Variants in CDYL2 observed in about 807,000 individuals in gnomAD.
The protein encoded by CDYL2 is chromodomain Y-like protein 2.
Under a neutral mutation model 49.4 loss-of-function variants are expected in CDYL2, and 23 were observed. The observed-to-expected ratio is 0.47, with a 90% confidence interval of 0.34 to 0.66. CDYL2 has a LOEUF of 0.66. Ranked by LOEUF, CDYL2 falls within the 30% of genes least tolerant of loss-of-function variation. The pLI is 0.01. For synonymous variants in CDYL2, 360 were observed against 268.8 expected (o/e 1.34, Z -3.32); for missense variants, 678 against 656.4 (o/e 1.03, Z -0.36).
At chr16:80,647,791 G>C (rs888828120) in intron 2 of CDYL2, among the ~76,000 whole-genome samples, 18 of 152,064 alleles carry the variant, frequency 1.2e-4, no homozygotes, top group Admixed American at 3.3e-4. Context: ...CACAAAACAA[G>C]TCTTAAAACA....
intron 2 of CDYL2, among the ~76,000 whole-genome samples, chr16:80,641,007 G>A (rs1908061381): frequency 6.6e-6 from 1 of 152,228 alleles, no homozygotes; most frequent in East Asian, 1.9e-4. Context: ...TAAAGAGGAG[G>A]TAGGGAAAAA....
At chr16:80,786,862 T>G (rs1350336561) in intron 1 of CDYL2, among the ~76,000 whole-genome samples, 1 of 150,334 alleles carries the variant, frequency 6.7e-6, no homozygotes, top group Non-Finnish European at 1.5e-5. Flanking sequence ...GAAGTGGGAG[T>G]TGAACAATAA....
chr16:80,719,991 G>A (rs1444091557), intron 1 of CDYL2, among the ~76,000 whole-genome samples: 1 of 152,234 alleles, frequency 6.6e-6, no homozygotes. Flanking sequence ...GATATTCCCT[G>A]TGGCTGGCTC....
chr16:80,684,509 C>G, intron 2 of CDYL2, 29 bp downstream of exon 2: 1 of 1,593,226 alleles, frequency 6.3e-7, no homozygotes, highest in Non-Finnish European at 8.6e-7. Context: ...TGGCCAGAGC[C>G]AAACCCAAGA....
intron 6 of CDYL2, among the ~76,000 whole-genome samples, chr16:80,606,786 G>T (rs1345748961): frequency 6.6e-6 from 1 of 152,150 alleles, no homozygotes; most frequent in Non-Finnish European, 1.5e-5. Context: ...TGTTCTCCTG[G>T]TAGTGAAGAA....
At chr16:80,656,298 C>G (rs1312085666) in intron 2 of CDYL2, among the ~76,000 whole-genome samples, 1 of 152,236 alleles carries the variant, frequency 6.6e-6, no homozygotes, top group Non-Finnish European at 1.5e-5. Flanking sequence ...CTACTCCCAA[C>G]CCCACACCCA....
chr16:80,661,202 A>T (rs1355401631), intron 2 of CDYL2, among the ~76,000 whole-genome samples: 1 of 152,114 alleles, frequency 6.6e-6, no homozygotes, highest in Non-Finnish European at 1.5e-5. Flanking sequence ...GTTTAGACAG[A>T]TCGCTGAAGG....
At chr16:80,636,304 A>T (rs959243738) in intron 2 of CDYL2, among the ~76,000 whole-genome samples, 1 of 152,218 alleles carries the variant, frequency 6.6e-6, no homozygotes. Context: ...TTTGCTATCT[A>T]TTCATCTGAC....
chr16:80,639,164 A>C (rs1183850394), intron 2 of CDYL2, among the ~76,000 whole-genome samples: 1 of 152,228 alleles, frequency 6.6e-6, no homozygotes, highest in Admixed American at 6.5e-5. Flanking sequence ...ACCACTACAC[A>C]CATTAGACTA....
chr16:80,609,929 G>A (rs1906519895), intron 5 of CDYL2, among the ~76,000 whole-genome samples: 1 of 152,066 alleles, frequency 6.6e-6, no homozygotes, highest in South Asian at 2.1e-4. Context: ...GTGACTCTGG[G>A]CAAGTCACTT....
intron 1 of CDYL2, among the ~76,000 whole-genome samples, chr16:80,781,432 C>T (rs1043707897): frequency 3.9e-5 from 6 of 152,152 alleles, no homozygotes; most frequent in African/African-American, 1.4e-4. Flanking sequence ...GACCGTTCCA[C>T]AATGGTTGGA....
chr16:80,692,518 C>T (rs186535789), intron 1 of CDYL2, among the ~76,000 whole-genome samples: 18 of 152,200 alleles, frequency 1.2e-4, no homozygotes, highest in Middle Eastern at 3.4e-3. Flanking sequence ...AAATTTTTAA[C>T]GTAAAACTGG....
chr16:80,701,481 T>C (rs7201300), intron 1 of CDYL2, among the ~76,000 whole-genome samples: 96,445 of 151,962 alleles, frequency 0.63, 31,004 homozygotes, highest in Middle Eastern at 0.77. Context: ...TAAATTAATT[T>C]GATTTCTGTT....
intron 1 of CDYL2, among the ~76,000 whole-genome samples, chr16:80,725,311 T>C (rs1031704525): frequency 1.3e-5 from 2 of 152,202 alleles, no homozygotes; most frequent in African/African-American, 4.8e-5. Context: ...ACATCTTAGA[T>C]AAAATTGGAG....
chr16:80,676,862 G>T (rs987879834), intron 2 of CDYL2, among the ~76,000 whole-genome samples: 5 of 151,454 alleles, frequency 3.3e-5, no homozygotes, highest in African/African-American at 1.2e-4. Context: ...GTGGTCAGAT[G>T]ATCTATTCTA....
chr16:80,789,515 A>C lies in CDYL2; in HGVS notation c.24+14635T>G, dbSNP rs3114387. On this transcript the variant is annotated intron_variant, in intron 1 of 6. Coordinates refer to ENST00000570137, the MANE Select transcript of CDYL2 (RefSeq NM_152342.4). ...CTCAGGAGGCTGAGGCAGAAGAATC[A>C]TTTGAACCTGGGAGGCTGAGGTTGC... Among the ~76,000 whole-genome samples the C allele has an allele frequency of 1.6e-4, 24 of 151,836 alleles. 1 individual carries two copies. In the South Asian group the frequency reaches 5.0e-3, roughly 32 times the overall value.
rs1423152986 is a variant in CDYL2, at chr16:80,742,524, A to AGATG, written c.25-57399_25-57396dup. 2.7e-5 allele frequency among the ~76,000 whole-genome samples: 4 copies of AGATG among 148,218 alleles called. No individual in the cohort carries two copies. In the East Asian group the frequency reaches 8.3e-4, roughly 31 times the overall value. On this transcript the variant is annotated intron_variant, in intron 1 of 6. Transcript: ENST00000570137. ...TAGATGGATACACTAACGAATGAAT[A>AGATG]GATGGATGAATGAAAGAGTAGGTGG...
At chr16:80,665,500 G>A (rs911293240) in intron 2 of CDYL2, among the ~76,000 whole-genome samples, 1 of 61,158 alleles carries the variant, frequency 1.6e-5, no homozygotes. Context: ...TGAGGTTTTT[G>A]CCATTAAAAA....
chr16:80,663,298 G>C (rs964570461), intron 2 of CDYL2, among the ~76,000 whole-genome samples: 3 of 151,296 alleles, frequency 2.0e-5, no homozygotes, highest in East Asian at 2.0e-4. Flanking sequence ...GGAGGGGAGA[G>C]TTAAATAAAA....
Sources: allele counts gnomAD v4.1 joint callset (sites outside exome capture counted in the v4.1 genomes callset), GRCh38; gene constraint gnomAD v4.1.1; transcripts MANE v1.5; gene names NCBI Gene and HGNC (gene_info 2026-07-23, HGNC 2026-07-21).